The following OTUD7B variants were observed in gnomAD, a reference collection of about 807,000 sequenced individuals.
The protein encoded by OTUD7B is OTU deubiquitinase 7B.
OTUD7B carries 34 observed loss-of-function variants against 82.2 expected under a neutral mutation model. The ratio of observed to expected loss-of-function variants is 0.41; its 90% CI spans 0.31 to 0.55. The LOEUF (loss-of-function observed/expected upper bound fraction) is 0.55. Among genes scored for constraint, OTUD7B ranks in the 20% least tolerant of loss-of-function variants. OTUD7B has a pLI of 0.20. For missense variants in OTUD7B, 944 were observed against 1,062.1 expected (o/e 0.89, Z 1.55); for synonymous variants, 398 against 402.7 (o/e 0.99, Z 0.14).
rs147431213 is a variant in OTUD7B at position 149,964,645 on chromosome 1, G to A, written c.605-296C>T. On this transcript the variant is annotated intron_variant, in intron 5 of 11. Coordinates refer to ENST00000581312, the MANE Select transcript of OTUD7B (RefSeq NM_020205.4). ...GTTTCACTCTGTCCCCCAGGCTGGA[G>A]TGCCATGGTGTGTTCTTGGCTTACC... 2.2e-3 allele frequency among the ~76,000 whole-genome samples: 341 copies of A among 152,194 alleles called. 1 individual carries two copies. Among genetic ancestry groups the A allele is most frequent in the African/African-American group, 7.9e-3 (326 of 41,508 alleles).
the OTUD7B span, among the ~76,000 whole-genome samples, chr1:150,019,573 G>T: frequency 6.6e-6 from 1 of 152,066 alleles, no homozygotes. Context: ...CACCATTTTG[G>T]CCAGGTTGGC....
At chr1:150,031,285 C>CT in the OTUD7B span, among the ~76,000 whole-genome samples, 1 of 152,314 alleles carries the variant, frequency 6.6e-6, no homozygotes, top group Admixed American at 6.5e-5. Flanking sequence ...CTGCATTATA[C>CT]TCCTCATTAA....
In OTUD7B at chr1:149,992,467, G is replaced by GTTTTTTTTT. The variant is rs1166098299; in HGVS notation, c.-66-14900_-66-14892dup. On this transcript the variant is annotated intron_variant, in intron 1 of 11. Transcript: ENST00000581312. ...TATCTAAATTGTTTTGTGTGCATGT[G>GTTTTTTTTT]TTTTTTTTTTTTTTTTTTTTTTTTT... Among the ~76,000 whole-genome samples the GTTTTTTTTT allele has an allele frequency of 4.5e-4, 28 of 61,570 alleles. 7 individuals carry two copies. The highest frequency in any genetic ancestry group is 1.6e-3 in the Admixed American group (6 of 3,712). 40.4% of individuals were successfully genotyped at this position (61,570 alleles called of 152,430 possible).
intron 2 of OTUD7B, among the ~76,000 whole-genome samples, chr1:149,974,529 C>CT (rs1258979889): frequency 0.95 from 128,411 of 135,678 alleles, 61,159 homozygotes; most frequent in Non-Finnish European, 0.99. Flanking sequence ...TTTTATTTTT[C>CT]TTCTTTTTTT....
rs1245016326 is a variant in OTUD7B, at chr1:149,944,988, T to C, written c.1401A>G (p.Ser467=). 1.7e-5 allele frequency: 28 copies of C among 1,614,100 alleles called. No individual in the cohort carries two copies. The highest frequency in any genetic ancestry group is 2.2e-5 in the Non-Finnish European group (26 of 1,180,046). Residue 467 remains serine, a synonymous_variant, in exon 12 of 12, where the codon TCA becomes TCG. Transcript: ENST00000581312. ...EPRSTPESGD[S]DKESVGSSST... is the part of the protein sequence containing the mutation. ...AACTGCTGCCAACTGACTCCTTGTC[T>C]GAGTCTCCAGACTCAGGAGTGGACC... is the stretch of plus-strand genomic sequence containing the variant.
chr1:150,013,488 T>G (rs1178094308), upstream of OTUD7B, among the ~76,000 whole-genome samples: 1 of 152,150 alleles, frequency 6.6e-6, no homozygotes, highest in Non-Finnish European at 1.5e-5. Context: ...ATAACTTCCT[T>G]TCCACCGCCA....
In OTUD7B at chr1:149,944,131, C is replaced by T. The variant is rs782126031; in HGVS notation, c.2258G>A (p.Ser753Asn). 6.2e-7 allele frequency: 1 copy of T among 1,614,068 alleles called. No homozygotes were observed. The highest frequency in any genetic ancestry group is 8.5e-7 in the Non-Finnish European group (1 of 1,179,976). ...CCTGTGAAGTCCATCCTTAGAGTGG[C>T]TGCCTGGCTCCAGAGAAGGGATGCT... is the stretch of plus-strand genomic sequence containing the variant. ...QDSIPSLEPG[S>N]HSKDGLHRGA... is the part of the protein sequence containing the mutation. Residue 753 changes from serine to asparagine, a missense_variant, in exon 12 of 12, where the codon AGC becomes AAC. Coordinates refer to ENST00000581312, the MANE Select transcript of OTUD7B (RefSeq NM_020205.4).
At chr1:149,980,463 G>A (rs1417083133) in intron 1 of OTUD7B, among the ~76,000 whole-genome samples, 1 of 152,104 alleles carries the variant, frequency 6.6e-6, no homozygotes, top group Non-Finnish European at 1.5e-5. Context: ...GCTCACGCCT[G>A]TAATTCCAGC....
the OTUD7B span, among the ~76,000 whole-genome samples, chr1:150,041,116 A>C: frequency 6.6e-6 from 1 of 152,104 alleles, no homozygotes; most frequent in Non-Finnish European, 1.5e-5. Context: ...CATGTTAACT[A>C]TATTGTGCTC....
chr1:150,055,438 A>G, the OTUD7B span, among the ~76,000 whole-genome samples: 1 of 152,198 alleles, frequency 6.6e-6, no homozygotes, highest in African/African-American at 2.4e-5. Context: ...ACACTTCTGC[A>G]CTGTTGGTGG....
chr1:150,043,359 C>T, the OTUD7B span, among the ~76,000 whole-genome samples: 2 of 151,978 alleles, frequency 1.3e-5, no homozygotes, highest in South Asian at 2.1e-4. Flanking sequence ...GTACTAAAAA[C>T]AAACATAAAA....
In OTUD7B at chr1:149,954,981, T is replaced by C. The variant is rs587740871; in HGVS notation, c.845+4703A>G. ...GCGGTCTATCAAATTTTGTTGATCT[T>C]TTCAAAAAACCAGCTCCTGGATTCA... On this transcript the variant is annotated intron_variant, in intron 7 of 11. Transcript: ENST00000581312. 3.9e-5 allele frequency among the ~76,000 whole-genome samples: 6 copies of C among 152,348 alleles called. No individual in the cohort carries two copies. In the East Asian group the frequency reaches 9.6e-4, roughly 24 times the overall value.
At chr1:150,014,556 CATA>C (rs1238462871), upstream of OTUD7B, among the ~76,000 whole-genome samples, 2 of 152,086 alleles carry the variant, frequency 1.3e-5, no homozygotes, top group African/African-American at 4.8e-5. Flanking sequence ...TAGCTTTATT[CATA>C]ATAGCTCCAA....
At chr1:150,054,916 CA>C in the OTUD7B span, 1 of 268,468 alleles carries the variant, frequency 3.7e-6, no homozygotes. Context: ...CAAGATTGAT[CA>C]AAAAGCTGTG....
chr1:150,066,744 CAAAGT>C, the OTUD7B span, among the ~76,000 whole-genome samples: 1 of 152,142 alleles, frequency 6.6e-6, no homozygotes, highest in African/African-American at 2.4e-5. This position sits in a 1 kb window ranked among gnomAD's most constrained non-coding sequence, Gnocchi z 4.6. Flanking sequence ...TACAATTCCC[CAAAGT>C]AAAGGTGCGA....
chr1:150,030,020 T>C, the OTUD7B span, among the ~76,000 whole-genome samples: 6 of 152,210 alleles, frequency 3.9e-5, no homozygotes, highest in Admixed American at 1.3e-4. Flanking sequence ...GAACTCCTAA[T>C]GTTGGATCAG....
intron 3 of OTUD7B, 79 bp downstream of exon 3, chr1:149,970,984 T>C (rs1202947802): frequency 2.3e-6 from 3 of 1,278,762 alleles, no homozygotes; most frequent in African/African-American, 3.0e-5. Context: ...CTCCAATGGA[T>C]CACTAGACTT....
Position 149,943,888 on chromosome 1 carries a change from G to C in OTUD7B, c.2501C>G (p.Pro834Arg). The change falls in exon 12 of 12, where the codon CCG becomes CGG. Residue 834 changes from proline (P) to arginine (R), a missense_variant. Physicochemically the swap from Pro to Arg is moderately radical, Grantham distance 103. Coordinates refer to ENST00000581312, the MANE Select transcript of OTUD7B (RefSeq NM_020205.4). Reference protein sequence around the residue: ...REELRRREREPDGELLVHRF With the variant: ...REELRRRERERDGELLVHRF Reference sequence around the variant, plus strand: ...CCTGTGCACCAGGAGCTCCCCATCCGGTTCCCGCTCCCTCCTCCTCAGTTC... The same window carrying C: ...CCTGTGCACCAGGAGCTCCCCATCCCGTTCCCGCTCCCTCCTCCTCAGTTC... 1 of 1,614,184 alleles carries C rather than the reference G, an allele frequency of 6.2e-7. No individual in the cohort carries two copies. Among genetic ancestry groups the C allele is most frequent in the Non-Finnish European group, 8.5e-7 (1 of 1,180,038 alleles).
chr1:149,938,182 C>T lies in OTUD7B; in HGVS notation c.*5675G>A, dbSNP rs1219436775. On this transcript the variant is annotated 3_prime_UTR_variant, in exon 12 of 12. Transcript: ENST00000581312. ...TCTGTTGTAAAAAGAAAATAGGGAC[C>T]AGGCGCAGTGGCTCACGCCTGTAAT... 6.6e-6 allele frequency: 1 copy of T among 152,064 alleles called. No homozygotes were observed. Among genetic ancestry groups the T allele is most frequent in the Non-Finnish European group, 1.5e-5 (1 of 68,070 alleles). 9.4% of individuals were successfully genotyped at this position (152,064 alleles called of 1,614,324 possible).
Sources: allele counts gnomAD v4.1 joint callset (sites outside exome capture counted in the v4.1 genomes callset), GRCh38; gene constraint gnomAD v4.1.1; non-coding constraint Gnocchi (gnomAD v3.1); transcripts MANE v1.5; gene names NCBI Gene and HGNC (gene_info 2026-07-23, HGNC 2026-07-21).